ANXA7: variants seen among roughly 807,000 people sequenced by gnomAD.
ANXA7 encodes annexin A7.
Under a neutral mutation model 64.9 loss-of-function variants are expected in ANXA7, and 55 were observed. The ratio of observed to expected loss-of-function variants is 0.85; its 90% confidence interval spans 0.68 to 1.06. The LOEUF is 1.06. Ranked by LOEUF, ANXA7 falls within the 50% of genes least tolerant of loss-of-function variation. The pLI, the probability that ANXA7 is intolerant of heterozygous loss-of-function variation, is 0.00. For missense variants in ANXA7, 548 were observed against 582.1 expected, an observed-to-expected ratio of 0.94 and a Z score of 0.60; for synonymous variants, 200 against 192.4, an observed-to-expected ratio of 1.04 and a Z score of -0.33.
intron 5 of ANXA7, among the ~76,000 whole-genome samples, chr10:73,393,957 C>T (rs1415023963): frequency 2.6e-5 from 4 of 152,212 alleles, no homozygotes; most frequent in African/African-American, 4.8e-5. Flanking sequence ...TGCAATCTAC[C>T]CATCTGACAA....
In ANXA7 at chr10:73,398,255, G is replaced by A. The variant is rs756665275; in HGVS notation, c.185C>T (p.Ala62Val). Residue 62 changes from alanine to valine, a missense_variant, in exon 3 of 13, where the codon GCG becomes GTG. Ala to Val is a moderately conservative substitution (Grantham distance 64). Coordinates refer to ENST00000372921, the MANE Select transcript of ANXA7 (RefSeq NM_001156.5). ...TCCAGGGGCTGGATAACCTCCAGGCGCAGGGTAGCCTCCAGCTCCTGGGTA... is the reference window on the plus strand; with the variant it reads ...TCCAGGGGCTGGATAACCTCCAGGCACAGGGTAGCCTCCAGCTCCTGGGTA... ...SGYPGAGGYP[A>V]PGGYPAPGGY... 26 of 1,613,898 alleles carry A rather than the reference G, an allele frequency of 1.6e-5. No individual in the cohort carries two copies. Among genetic ancestry groups the A allele is most frequent in the Admixed American group, 5.0e-5 (3 of 59,992 alleles).
At chr10:73,390,727 T>C (rs1302170919) in intron 5 of ANXA7, among the ~76,000 whole-genome samples, 2 of 132,028 alleles carry the variant, frequency 1.5e-5, no homozygotes, top group African/African-American at 3.0e-5. Context: ...TATAAAAATA[T>C]ATATATACAC....
intron 2 of ANXA7, among the ~76,000 whole-genome samples, chr10:73,400,458 C>T (rs1046742482): frequency 6.6e-6 from 1 of 152,212 alleles, no homozygotes; most frequent in South Asian, 2.1e-4. Context: ...CTGGCTCATA[C>T]AGCAGTTAAC....
At chr10:73,382,260 C>A (rs998698211) in intron 9 of ANXA7, among the ~76,000 whole-genome samples, 1 of 152,232 alleles carries the variant, frequency 6.6e-6, no homozygotes, top group African/African-American at 2.4e-5. Flanking sequence ...GGCAATAACT[C>A]TTGATATTGA....
At chr10:73,406,823 A>G (rs1202084246) in intron 1 of ANXA7, among the ~76,000 whole-genome samples, 2 of 152,038 alleles carry the variant, frequency 1.3e-5, no homozygotes, top group African/African-American at 4.8e-5. Flanking sequence ...CACCCGCCTC[A>G]GCCTCCCAAA....
chr10:73,387,282 A>C lies in ANXA7; in HGVS notation c.633+407T>G, dbSNP rs375753510. On this transcript the variant is annotated intron_variant, in intron 7 of 12. Transcript: ENST00000372921. The stretch of plus-strand genomic sequence containing the variant: ...GTAATCCCAGCACTTTGGGAGGCTG[A>C]GGCAGGCGGATCACTTGAGGTCAGG... Among the ~76,000 whole-genome samples, 213 of 152,292 alleles carry C rather than the reference A, an allele frequency of 1.4e-3. 6 individuals carry two copies. In the South Asian group the frequency reaches 0.043, roughly 30 times the overall value.
chr10:73,399,835 A>G (rs2055632564), intron 2 of ANXA7, among the ~76,000 whole-genome samples: 1 of 148,778 alleles, frequency 6.7e-6, no homozygotes, highest in South Asian at 2.1e-4. Context: ...ACAAAAACAA[A>G]AACAAAAACA....
In ANXA7 at chr10:73,377,789, T is replaced by TGTGTGTGG. The variant is rs1483998970; in HGVS notation, c.1278+1121_1278+1122insCCACACAC. On this transcript the variant is annotated intron_variant, in intron 12 of 12. Coordinates refer to ENST00000372921, the MANE Select transcript of ANXA7 (RefSeq NM_001156.5). ...GTGGGTGTGGGTGTGTGTGTGTGTGTGTGTGTGTGTGTATTTTTTGTATAA... is the reference window on the plus strand; with the variant it reads ...GTGGGTGTGGGTGTGTGTGTGTGTGTGTGTGTGGGTGTGTGTGTGTATTTTTTGTATAA... Among the ~76,000 whole-genome samples, 38 of 148,848 alleles carry TGTGTGTGG rather than the reference T, an allele frequency of 2.6e-4. 1 individual carries two copies. The highest frequency in any genetic ancestry group is 8.8e-4 in the African/African-American group (35 of 39,974).
Position 73,379,906 on chromosome 10 carries a change from A to T in ANXA7, c.1138T>A (p.Tyr380Asn), listed in dbSNP as rs746442528. Reference protein sequence around the residue: ...LSSVSREFSGYVESGLKTILQ... With the variant: ...LSSVSREFSGNVESGLKTILQ... ...ATGGTCTTCAAACCACTTTCTACAT[A>T]TCCGGAAAACTCACGGCTCACACTG... is the stretch of plus-strand genomic sequence containing the variant. The change falls in exon 11 of 13, where the codon TAT (tyrosine) becomes AAT (asparagine). Residue 380 changes from tyrosine (Y) to asparagine (N), a missense_variant. Physicochemically the swap from Tyr to Asn is moderately radical, Grantham distance 143. Transcript: ENST00000372921. 5 of 1,614,192 alleles carry T rather than the reference A, an allele frequency of 3.1e-6. No individual in the cohort carries two copies. Among genetic ancestry groups the T allele is most frequent in the Non-Finnish European group, 3.4e-6 (4 of 1,180,028 alleles).
chr10:73,409,861 A>G (rs1050915727), intron 1 of ANXA7, among the ~76,000 whole-genome samples: 1 of 152,150 alleles, frequency 6.6e-6, no homozygotes, highest in African/African-American at 2.4e-5. Context: ...AATAAAGCCA[A>G]ATACATACAG....
chr10:73,393,893 A>G (rs1294815692), intron 5 of ANXA7, among the ~76,000 whole-genome samples: 1 of 152,238 alleles, frequency 6.6e-6, no homozygotes, highest in Non-Finnish European at 1.5e-5. Flanking sequence ...TCTGCACGGC[A>G]AAAGAAACTA....
chr10:73,384,241 T>C (rs1388162013), intron 7 of ANXA7, among the ~76,000 whole-genome samples: 1 of 152,192 alleles, frequency 6.6e-6, no homozygotes, highest in Admixed American at 6.5e-5. Flanking sequence ...AAACATTTAA[T>C]AAAATCTTAT....
intron 7 of ANXA7, 33 bp from the exon 8 acceptor site, chr10:73,383,723 T>A: frequency 1.4e-6 from 2 of 1,379,474 alleles, no homozygotes; most frequent in Non-Finnish European, 2.0e-6. Context: ...TAAGTATATG[T>A]GTTCTCCAAA....
At chr10:73,408,203 C>T (rs2055787742) in intron 1 of ANXA7, 1 of 151,772 alleles carries the variant, frequency 6.6e-6, no homozygotes. Context: ...ACCTGTAGTC[C>T]AAACTATTCA....
rs1564531640 is a variant in ANXA7, at chr10:73,400,870, TA to T, written c.-1-14del. 6 of 1,587,072 alleles carry T rather than the reference TA, an allele frequency of 3.8e-6. No homozygotes were observed. Among genetic ancestry groups the T allele is most frequent in the African/African-American group, 1.4e-5 (1 of 73,640 alleles). On this transcript the variant is annotated splice_polypyrimidine_tract_variant and intron_variant, in intron 1 of 12. Transcript: ENST00000372921. ...TGGGTATGACATTCTGTAACAACAATAAAAAATGTCCTCTGTAAGTTTTTTG... is the reference window on the plus strand; with the variant it reads ...TGGGTATGACATTCTGTAACAACAATAAAAATGTCCTCTGTAAGTTTTTTG...
At chr10:73,376,242 C>A (rs372978757) in intron 12 of ANXA7, 25 bp from the exon 13 acceptor site, 1 of 1,534,568 alleles carries the variant, frequency 6.5e-7, no homozygotes. Context: ...ATATTTCTGT[C>A]AGAAAAACAT....
At chr10:73,396,178 A>T in intron 5 of ANXA7, 2 of 1,007,504 alleles carry the variant, frequency 2.0e-6, no homozygotes, top group Non-Finnish European at 3.1e-6. Flanking sequence ...AATCACTGTC[A>T]GAAATACCAA....
At chr10:73,413,807 C>T (rs2055881085) in intron 1 of ANXA7, among the ~76,000 whole-genome samples, 1 of 152,178 alleles carries the variant, frequency 6.6e-6, no homozygotes, top group African/African-American at 2.4e-5. Flanking sequence ...TAAGCCAGGC[C>T]GGCCGCCTCA....
chr10:73,383,738 G>T (rs1417202775), intron 7 of ANXA7, 48 bp from the exon 8 acceptor site: 4 of 1,218,474 alleles, frequency 3.3e-6, no homozygotes, highest in Non-Finnish European at 4.8e-6. Context: ...TCCAAATTTT[G>T]TCACTTAAAT....
Sources: gnomAD v4.1 joint callset for allele counts (sites outside exome capture counted in the v4.1 genomes callset) on GRCh38, gnomAD v4.1.1 for gene constraint, MANE v1.5 for transcripts, NCBI Gene and HGNC (gene_info 2026-07-23, HGNC 2026-07-21) for gene names.